The following PCDHA6 variants were observed in gnomAD, a reference collection of about 807,000 sequenced individuals.
The protein encoded by PCDHA6 is protocadherin alpha 6.
In PCDHA6, 55 loss-of-function variants were observed where a neutral mutation model predicts 60.3. The ratio of observed to expected loss-of-function variants is 0.91; its 90% CI spans 0.73 to 1.14. The LOEUF is 1.14. Among genes scored for constraint, PCDHA6 ranks in the 50% most tolerant of loss-of-function variants. PCDHA6 has a pLI of 0.00. For synonymous variants in PCDHA6, 652 were observed against 557.9 expected, an observed-to-expected ratio of 1.17 and a Z score of -2.38; for missense variants, 1,327 against 1,256.5, an observed-to-expected ratio of 1.06 and a Z score of -0.85.
At chr5:140,871,682 A>C (rs1207167654) in intron 1 of PCDHA6, 1 of 1,103,566 alleles carries the variant, frequency 9.1e-7, no homozygotes, top group Non-Finnish European at 1.3e-6. Context: ...TCATATGAAT[A>C]ATCTGGCTTC....
chr5:140,950,826 G>A (rs1554219646), intron 1 of PCDHA6, among the ~76,000 whole-genome samples: 1 of 151,824 alleles, frequency 6.6e-6, no homozygotes, highest in African/African-American at 2.4e-5. Flanking sequence ...TTAAAGTTTG[G>A]TCCTTTAAGA....
At chr5:140,959,038 A>G (rs1389837259) in intron 1 of PCDHA6, among the ~76,000 whole-genome samples, 2 of 151,994 alleles carry the variant, frequency 1.3e-5, no homozygotes, top group African/African-American at 4.8e-5. Flanking sequence ...ATGGGTATGT[A>G]TGTATAGGAA....
At chr5:140,934,738 C>T (rs1342430086) in intron 1 of PCDHA6, among the ~76,000 whole-genome samples, 1 of 152,078 alleles carries the variant, frequency 6.6e-6, no homozygotes, top group Admixed American at 6.5e-5. Flanking sequence ...TTTTAGGTGT[C>T]ATTATGAACT....
chr5:140,832,741 C>A (rs1477110560), intron 1 of PCDHA6, among the ~76,000 whole-genome samples: 1 of 152,038 alleles, frequency 6.6e-6, no homozygotes, highest in Non-Finnish European at 1.5e-5. Flanking sequence ...TACATAAATA[C>A]GATGATAGTA....
intron 1 of PCDHA6, chr5:140,881,501 C>A (rs782000314): frequency 3.3e-4 from 82 of 248,870 alleles, no homozygotes; most frequent in Non-Finnish European, 4.9e-4. Context: ...CACATACACA[C>A]ACTCACATAC....
chr5:140,869,610 C>T (rs782688712), intron 1 of PCDHA6: 1 of 1,613,928 alleles, frequency 6.2e-7, no homozygotes, highest in South Asian at 1.1e-5. Flanking sequence ...CTCTATTGAC[C>T]TACAGGCTAA....
intron 3 of PCDHA6, among the ~76,000 whole-genome samples, chr5:140,992,102 G>A (rs1205417295): frequency 6.6e-6 from 1 of 150,914 alleles, no homozygotes; most frequent in Non-Finnish European, 1.5e-5. Context: ...AGAGAATTAA[G>A]GTGAGATGTG....
At chr5:140,877,535 A>T in intron 1 of PCDHA6, 1 of 1,613,750 alleles carries the variant, frequency 6.2e-7, no homozygotes, top group Admixed American at 1.7e-5. Flanking sequence ...GGCGCTGTGG[A>T]TCCCGAAGCG....
At chr5:140,924,901 AAAAATAAAAT>A (rs10667761) in intron 1 of PCDHA6, among the ~76,000 whole-genome samples, 1,500 of 80,408 alleles carry the variant, frequency 0.019, 14 homozygotes, top group African/African-American at 0.052. Context: ...TCTCAAAAAA[AAAAATAAAAT>A]AAAATAAAAT....
intron 1 of PCDHA6, chr5:140,884,015 C>T: frequency 6.2e-7 from 1 of 1,613,158 alleles, no homozygotes. Flanking sequence ...GCTGATGCCG[C>T]GGTCGGTGGG....
chr5:140,898,794 T>C (rs1487494121), intron 1 of PCDHA6, among the ~76,000 whole-genome samples: 4 of 152,236 alleles, frequency 2.6e-5, no homozygotes, highest in Non-Finnish European at 4.4e-5. Context: ...ATGGCCATTT[T>C]CACGATACTG....
At chr5:140,945,393 T>G (rs2153669728) in intron 1 of PCDHA6, among the ~76,000 whole-genome samples, 1 of 152,208 alleles carries the variant, frequency 6.6e-6, no homozygotes, top group East Asian at 1.9e-4. Flanking sequence ...AATATACAAA[T>G]TCAATACAAT....
chr5:140,997,409 A>G (rs1378198322), intron 3 of PCDHA6, among the ~76,000 whole-genome samples: 2 of 152,180 alleles, frequency 1.3e-5, no homozygotes, highest in Non-Finnish European at 1.5e-5. Flanking sequence ...CGTATGGCCT[A>G]TTTCTCCTAG....
rs2150238489 is a variant in PCDHA6 at position 140,835,571 on chromosome 5, G to C, written c.2394+5086G>C. 6 of 1,613,800 alleles carry C rather than the reference G, an allele frequency of 3.7e-6. 1 individual carries two copies. The highest frequency in any genetic ancestry group is 5.1e-6 in the Non-Finnish European group (6 of 1,179,886). On this transcript the variant is annotated intron_variant, in intron 1 of 3. Coordinates refer to ENST00000529310, the MANE Select transcript of PCDHA6 (RefSeq NM_018909.4). ...CCCTGACGCCCCGCGTTCCCTTCAAGTTGGTGTCCACCTTCAAGAATTACT... is the reference window on the plus strand; with the variant it reads ...CCCTGACGCCCCGCGTTCCCTTCAACTTGGTGTCCACCTTCAAGAATTACT...
At chr5:140,879,329 T>A (rs2057946411) in intron 1 of PCDHA6, among the ~76,000 whole-genome samples, 1 of 152,182 alleles carries the variant, frequency 6.6e-6, no homozygotes, top group Non-Finnish European at 1.5e-5. Context: ...ACTTTTTTAG[T>A]TTGTTCAGCT....
intron 1 of PCDHA6, among the ~76,000 whole-genome samples, chr5:140,975,597 T>C (rs2096674133): frequency 6.6e-6 from 1 of 152,242 alleles, no homozygotes; most frequent in Non-Finnish European, 1.5e-5. Context: ...GAGGGCAATT[T>C]GTTGATGTCT....
At chr5:140,838,041 C>A (rs1479923409) in intron 1 of PCDHA6, among the ~76,000 whole-genome samples, 1 of 149,154 alleles carries the variant, frequency 6.7e-6, no homozygotes, top group African/African-American at 2.5e-5. Flanking sequence ...TACCTTTCTG[C>A]ACTTTTTGGT....
chr5:140,993,754 A>G (rs1253767297), intron 3 of PCDHA6, among the ~76,000 whole-genome samples: 1 of 152,170 alleles, frequency 6.6e-6, no homozygotes, highest in African/African-American at 2.4e-5. Context: ...ACTTGCCATT[A>G]TATTACAATT....
intron 1 of PCDHA6, chr5:140,869,524 C>T: frequency 6.2e-7 from 1 of 1,614,188 alleles, no homozygotes; most frequent in Non-Finnish European, 8.5e-7. Flanking sequence ...ACAAAAGCTG[C>T]TGATTGCGGA....
Sources: gnomAD v4.1 joint callset for allele counts (sites outside exome capture counted in the v4.1 genomes callset) on GRCh38, gnomAD v4.1.1 for gene constraint, MANE v1.5 for transcripts, NCBI Gene and HGNC (gene_info 2026-07-23, HGNC 2026-07-21) for gene names.